The following GRIA4 variants were observed in gnomAD, a reference collection of about 807,000 sequenced individuals.
The protein encoded by GRIA4 is glutamate ionotropic receptor AMPA type subunit 4.
GRIA4 carries 34 observed loss-of-function variants against 104.0 expected under a neutral mutation model. The ratio of observed to expected loss-of-function variants is 0.33; its 90% CI spans 0.25 to 0.44. GRIA4 has a LOEUF of 0.44. GRIA4 is among the 20% of genes least tolerant of loss of function. The pLI, the probability that GRIA4 is intolerant of heterozygous loss-of-function variation, is 1.00. For missense variants in GRIA4, 750 were observed against 1,096.5 expected (o/e 0.68, Z 4.46); for synonymous variants, 386 against 381.9 (o/e 1.01, Z -0.13).
intron 14 of GRIA4, among the ~76,000 whole-genome samples, chr11:105,938,174 A>C (rs1948096092): frequency 6.6e-6 from 1 of 152,204 alleles, no homozygotes; most frequent in African/African-American, 2.4e-5. Context: ...TATTAAACTT[A>C]GTATGCAAAT....
chr11:105,793,218 G>A (rs1458695394), intron 4 of GRIA4, among the ~76,000 whole-genome samples: 1 of 152,092 alleles, frequency 6.6e-6, no homozygotes, highest in Non-Finnish European at 1.5e-5. Context: ...AGACAAGGCC[G>A]ATGGAGTGAG....
intron 4 of GRIA4, among the ~76,000 whole-genome samples, chr11:105,760,518 C>T (rs1177605957): frequency 6.6e-6 from 1 of 152,112 alleles, no homozygotes; most frequent in African/African-American, 2.4e-5. Flanking sequence ...ATGTACTTGA[C>T]AATTTTGTAG....
intron 3 of GRIA4, among the ~76,000 whole-genome samples, chr11:105,614,739 A>G (rs1369930276): frequency 6.6e-6 from 1 of 152,038 alleles, no homozygotes; most frequent in African/African-American, 2.4e-5. Flanking sequence ...GCATGCTGAA[A>G]ATCCTTAAGG....
intron 3 of GRIA4, among the ~76,000 whole-genome samples, chr11:105,736,189 C>T (rs1200959868): frequency 6.6e-6 from 1 of 152,116 alleles, no homozygotes; most frequent in Admixed American, 6.6e-5. Context: ...GACAGTGGCA[C>T]CCCTTGTAGT....
chr11:105,747,062 G>A (rs963569843), intron 3 of GRIA4, among the ~76,000 whole-genome samples: 2 of 152,064 alleles, frequency 1.3e-5, no homozygotes, highest in East Asian at 1.9e-4. Context: ...GAATTTTGAC[G>A]TATTTATCTG....
intron 14 of GRIA4, among the ~76,000 whole-genome samples, chr11:105,967,023 CAT>C (rs1858410580): frequency 6.6e-6 from 1 of 152,048 alleles, no homozygotes; most frequent in Non-Finnish European, 1.5e-5. Flanking sequence ...TTTTCATAAA[CAT>C]ATAAATATAT....
chr11:105,682,568 C>T (rs563144699), intron 3 of GRIA4, among the ~76,000 whole-genome samples: 8 of 152,300 alleles, frequency 5.3e-5, no homozygotes, highest in African/African-American at 1.9e-4. Context: ...TAGCAACCAA[C>T]TCATTTCTTA....
chr11:105,954,898 A>G (rs1333657992), intron 14 of GRIA4, among the ~76,000 whole-genome samples: 1 of 117,692 alleles, frequency 8.5e-6, no homozygotes, highest in Non-Finnish European at 1.7e-5. Flanking sequence ...TGATAGGTAT[A>G]TTGCTTTCAA....
In GRIA4 at chr11:105,651,120, G is replaced by T. The variant is rs192433218; in HGVS notation, c.247+38686G>T. 3.9e-5 allele frequency among the ~76,000 whole-genome samples: 6 copies of T among 152,234 alleles called. No individual in the cohort carries two copies. In the East Asian group the frequency reaches 7.7e-4, roughly 20 times the overall value. On this transcript the variant is annotated intron_variant, in intron 3 of 16. Transcript: ENST00000282499. Reference sequence around the variant, plus strand: ...TTCAAGTAACTTATTAAATACAAGTGAAATCTACTTAACTTTGGTAAAATA... The same window carrying T: ...TTCAAGTAACTTATTAAATACAAGTTAAATCTACTTAACTTTGGTAAAATA...
intron 16 of GRIA4, chr11:105,975,040 C>A (rs1440620752): frequency 6.5e-6 from 1 of 154,496 alleles, no homozygotes; most frequent in African/African-American, 2.4e-5. Context: ...AGAGTATGTG[C>A]TCAATGAATT....
intron 3 of GRIA4, among the ~76,000 whole-genome samples, chr11:105,677,277 G>C (rs1306849098): frequency 6.6e-6 from 1 of 151,860 alleles, no homozygotes. Flanking sequence ...GTCAATTAAA[G>C]AGAAGGTCAG....
At chr11:105,852,379 C>T (rs1474093605) in intron 4 of GRIA4, among the ~76,000 whole-genome samples, 5 of 152,080 alleles carry the variant, frequency 3.3e-5, no homozygotes, top group Admixed American at 2.0e-4. Context: ...TTATTTACAG[C>T]TATAGAAAAG....
intron 3 of GRIA4, among the ~76,000 whole-genome samples, chr11:105,691,049 C>T (rs1253368039): frequency 6.6e-6 from 1 of 151,946 alleles, no homozygotes; most frequent in Non-Finnish European, 1.5e-5. Flanking sequence ...TTAGAACTGG[C>T]CTTTTGAGAC....
intron 4 of GRIA4, among the ~76,000 whole-genome samples, chr11:105,775,482 G>T (rs1015583334): frequency 1.9e-4 from 28 of 151,320 alleles, no homozygotes; most frequent in African/African-American, 6.8e-4. Flanking sequence ...CAAAAACAAA[G>T]GAAAAAATTT....
At chr11:105,931,270 AC>A (rs2136206876) in intron 13 of GRIA4, among the ~76,000 whole-genome samples, 1 of 134,254 alleles carries the variant, frequency 7.4e-6, no homozygotes, top group South Asian at 2.2e-4. Flanking sequence ...CTAAATACAC[AC>A]ACACACACAC....
At chr11:105,964,594 T>C (rs1026389470) in intron 14 of GRIA4, among the ~76,000 whole-genome samples, 9 of 152,134 alleles carry the variant, frequency 5.9e-5, no homozygotes, top group Admixed American at 1.3e-4. Flanking sequence ...ATCACCAAAC[T>C]CAGTGTTTAT....
intron 3 of GRIA4, among the ~76,000 whole-genome samples, chr11:105,645,107 C>A (rs926155777): frequency 6.6e-6 from 1 of 152,124 alleles, no homozygotes; most frequent in Admixed American, 6.6e-5. Flanking sequence ...GCAGATGCAG[C>A]TTCATAATCA....
chr11:105,670,089 A>G (rs1952312124), intron 3 of GRIA4, among the ~76,000 whole-genome samples: 1 of 152,106 alleles, frequency 6.6e-6, no homozygotes, highest in South Asian at 2.1e-4. Flanking sequence ...ACAAATAAAA[A>G]AATAAATTTT....
intron 3 of GRIA4, among the ~76,000 whole-genome samples, chr11:105,614,652 A>G (rs979512216): frequency 6.6e-6 from 1 of 152,026 alleles, no homozygotes; most frequent in Non-Finnish European, 1.5e-5. Flanking sequence ...ATGTTTAAAA[A>G]TTTTTTAAGA....
Sources: allele counts gnomAD v4.1 joint callset (sites outside exome capture counted in the v4.1 genomes callset), GRCh38; gene constraint gnomAD v4.1.1; transcripts MANE v1.5; gene names NCBI Gene and HGNC (gene_info 2026-07-23, HGNC 2026-07-21).